Variants in BBX observed in about 807,000 individuals in gnomAD.
BBX encodes HMG box transcription factor BBX.
In BBX, 30 loss-of-function variants were observed where a neutral mutation model predicts 100.2. That is an observed-to-expected ratio of 0.30 (90% CI 0.22 to 0.41). BBX has a LOEUF of 0.41. Among genes scored for constraint, BBX ranks in the 10% least tolerant of loss-of-function variants. The probability of loss-of-function intolerance (pLI) is 1.00; values close to 1 mark genes in which losing one functional copy is unlikely to be tolerated. For missense variants in BBX, 1,023 were observed against 1,129.8 expected (o/e 0.91, Z 1.35); for synonymous variants, 376 against 388.1 (o/e 0.97, Z 0.37).
intron 2 of BBX, among the ~76,000 whole-genome samples, chr3:107,583,493 ATACT>A (rs2052436750): frequency 6.6e-6 from 1 of 151,990 alleles, no homozygotes; most frequent in Admixed American, 6.6e-5. Context: ...ATAGTTGTAC[ATACT>A]TTGGAGTTGT....
At position 107,744,651 on chromosome 3, in the gene BBX, C is replaced by T. The variant is rs1480548180; in HGVS notation, c.691C>T (p.Pro231Ser). The T allele has an allele frequency of 2.5e-6, 4 of 1,613,146 alleles. No homozygotes were observed. In the South Asian group the frequency reaches 4.4e-5, roughly 18 times the overall value. Residue 231 changes from proline to serine, a missense_variant, in exon 8 of 18, where the codon CCT becomes TCT. Pro to Ser is a moderately conservative substitution (Grantham distance 74). Transcript: ENST00000325805. The part of the protein sequence containing the change: ...TPEVSSGTCR[P>S]DVSESPELRQ... ...TCAGGTATCCTCTGGCACATGCAGG[C>T]CTGATGTTTCAGAATCTCCTGAATT...
chr3:107,553,135 A>G (rs2049825955), intron 2 of BBX, among the ~76,000 whole-genome samples: 2 of 152,232 alleles, frequency 1.3e-5, no homozygotes, highest in South Asian at 4.1e-4. Flanking sequence ...TAGGCATCCC[A>G]TTAAAATGAG....
At chr3:107,682,468 C>T (rs1009319947) in intron 3 of BBX, among the ~76,000 whole-genome samples, 10 of 151,740 alleles carry the variant, frequency 6.6e-5, no homozygotes, top group South Asian at 2.1e-4. Flanking sequence ...ACTGTGGGAC[C>T]GAAGGGTCTA....
At chr3:107,540,547 C>G (rs1176568565) in intron 2 of BBX, among the ~76,000 whole-genome samples, 1 of 152,018 alleles carries the variant, frequency 6.6e-6, no homozygotes, top group African/African-American at 2.4e-5. Context: ...TGAAGCAAAG[C>G]CAGTGATTCT....
At chr3:107,701,283 A>G (rs1295578003) in intron 3 of BBX, among the ~76,000 whole-genome samples, 1 of 152,190 alleles carries the variant, frequency 6.6e-6, no homozygotes, top group Non-Finnish European at 1.5e-5. Flanking sequence ...CTCAGGCTCT[A>G]GGGAACGGAA....
intron 2 of BBX, among the ~76,000 whole-genome samples, chr3:107,604,236 T>C (rs1335412978): frequency 6.6e-6 from 1 of 152,212 alleles, no homozygotes; most frequent in East Asian, 1.9e-4. Context: ...CCTAGTGCTA[T>C]AGCAGCCTGT....
In BBX at chr3:107,710,832, C is replaced by A. The variant is rs535951934; in HGVS notation, c.162+210C>A. Among the ~76,000 whole-genome samples the A allele has an allele frequency of 3.3e-5, 5 of 152,254 alleles. No individual in the cohort carries two copies. In the East Asian group the frequency reaches 9.6e-4, roughly 29 times the overall value. ...CTAATAGTGTAGACTGAGACACATCCTTTTAAATACGATTTTTGTCACCTA... is the reference window on the plus strand; with the variant it reads ...CTAATAGTGTAGACTGAGACACATCATTTTAAATACGATTTTTGTCACCTA... On this transcript the variant is annotated intron_variant, in intron 4 of 17. Coordinates refer to ENST00000325805, the MANE Select transcript of BBX (RefSeq NM_001142568.3).
In BBX at chr3:107,654,434, AT is replaced by A. The variant is rs951613077; in HGVS notation, c.-10+8535del. 4.3e-4 allele frequency among the ~76,000 whole-genome samples: 64 copies of A among 149,470 alleles called. 1 individual carries two copies. Among genetic ancestry groups the A allele is most frequent in the Admixed American group, 2.3e-3 (34 of 14,966 alleles). On this transcript the variant is annotated intron_variant, in intron 3 of 17. Transcript: ENST00000325805. ...TTTTCCCTAATCAGCAAAATTATAG[AT>A]TTTTTTTTTACTGGCTTTCTGCTAT...
At chr3:107,702,599 A>C (rs956121343) in intron 3 of BBX, among the ~76,000 whole-genome samples, 6 of 152,220 alleles carry the variant, frequency 3.9e-5, no homozygotes, top group Non-Finnish European at 7.3e-5. Flanking sequence ...CAGATCCAAA[A>C]AAAGCATCTG....
intron 17 of BBX, among the ~76,000 whole-genome samples, chr3:107,803,901 T>A (rs978706078): frequency 2.0e-5 from 3 of 152,062 alleles, no homozygotes; most frequent in Non-Finnish European, 4.4e-5. Flanking sequence ...TTCACCCCAA[T>A]TTCTCTCTCC....
At chr3:107,674,656 T>C (rs2059193058) in intron 3 of BBX, 1 of 152,628 alleles carries the variant, frequency 6.6e-6, no homozygotes, top group African/African-American at 2.4e-5. Context: ...AAGCTGCTTT[T>C]CTTAGGCTCC....
intron 2 of BBX, among the ~76,000 whole-genome samples, chr3:107,629,060 G>T (rs565910657): frequency 6.6e-6 from 1 of 151,750 alleles, no homozygotes; most frequent in African/African-American, 2.4e-5. Flanking sequence ...AATTTCTAAG[G>T]TAGTTAGTTA....
At chr3:107,600,352 T>C (rs1467951408) in intron 2 of BBX, among the ~76,000 whole-genome samples, 1 of 152,250 alleles carries the variant, frequency 6.6e-6, no homozygotes, top group Non-Finnish European at 1.5e-5. Context: ...TAGGAAAATA[T>C]ATAACATTTT....
At chr3:107,587,521 G>C (rs892869404) in intron 2 of BBX, among the ~76,000 whole-genome samples, 1 of 152,110 alleles carries the variant, frequency 6.6e-6, no homozygotes, top group Non-Finnish European at 1.5e-5. Context: ...TCCATTTGCT[G>C]GCTACTGTTA....
chr3:107,609,050 C>G (rs1175073330), intron 2 of BBX, among the ~76,000 whole-genome samples: 1 of 152,026 alleles, frequency 6.6e-6, no homozygotes, highest in African/African-American at 2.4e-5. Flanking sequence ...CCTTTATTGC[C>G]TAAGAAACTT....
At position 107,789,836 on chromosome 3, in the gene BBX, A is replaced by G; in HGVS notation, c.2253A>G (p.Lys751=). Residue 751 remains lysine, a synonymous_variant, in exon 14 of 18, where the codon AAA becomes AAG. Coordinates refer to ENST00000325805, the MANE Select transcript of BBX (RefSeq NM_001142568.3). ...KKNLFHKIVS[K]YKHKKEKPNV... is the part of the protein sequence containing the mutation. Reference sequence around the variant, plus strand: ...ACTTATTCCACAAAATTGTCAGCAAATATAAGCACAAAAAGGAGAAGCCCA... The same window carrying G: ...ACTTATTCCACAAAATTGTCAGCAAGTATAAGCACAAAAAGGAGAAGCCCA... 6.4e-7 allele frequency: 1 copy of G among 1,550,408 alleles called. No individual in the cohort carries two copies. Among genetic ancestry groups the G allele is most frequent in the South Asian group, 1.2e-5 (1 of 83,896 alleles).
intron 2 of BBX, among the ~76,000 whole-genome samples, chr3:107,546,844 A>G (rs1346570775): frequency 1.3e-5 from 2 of 152,044 alleles, no homozygotes; most frequent in Admixed American, 6.6e-5. Context: ...CCTCTCTACT[A>G]CTGCTGTATT....
chr3:107,695,884 G>A (rs1052232182), intron 3 of BBX, among the ~76,000 whole-genome samples: 5 of 151,774 alleles, frequency 3.3e-5, no homozygotes, highest in Non-Finnish European at 5.9e-5. Context: ...GTGCTCCTGT[G>A]TTGGGTGCAT....
Position 107,734,919 on chromosome 3 carries a change from A to G in BBX, c.669+1896A>G, listed in dbSNP as rs1045572535. On this transcript the variant is annotated intron_variant, in intron 7 of 17. Coordinates refer to ENST00000325805, the MANE Select transcript of BBX (RefSeq NM_001142568.3). ...TTGAGAATTCTCAAGCTGAAGAATC[A>G]AAGAAAGCTAAATGATTGAAAGAAG... Among the ~76,000 whole-genome samples, 3 of 152,266 alleles carry G rather than the reference A, an allele frequency of 2.0e-5. No individual in the cohort carries two copies. The South Asian group carries it at 6.2e-4, about 32-fold the overall frequency.
Sources: allele counts gnomAD v4.1 joint callset (sites outside exome capture counted in the v4.1 genomes callset), GRCh38; gene constraint gnomAD v4.1.1; transcripts MANE v1.5; gene names NCBI Gene and HGNC (gene_info 2026-07-23, HGNC 2026-07-21).